Variants in XYLB observed in about 807,000 individuals in gnomAD.
The protein encoded by XYLB is xylulokinase.
XYLB carries 62 observed loss-of-function variants against 78.7 expected under a neutral mutation model. The ratio of observed to expected loss-of-function variants is 0.79; its 90% CI spans 0.64 to 0.97. The LOEUF (loss-of-function observed/expected upper bound fraction) is 0.97. Ranked by LOEUF, XYLB falls within the 50% of genes least tolerant of loss-of-function variation. The pLI is 0.00. For missense variants in XYLB, 687 were observed against 676.8 expected, an observed-to-expected ratio of 1.02 and a Z score of -0.17; for synonymous variants, 245 against 247.4, an observed-to-expected ratio of 0.99 and a Z score of 0.09.
At chr3:38,437,541 T>TA in the XYLB span, among the ~76,000 whole-genome samples, 1 of 152,206 alleles carries the variant, frequency 6.6e-6, no homozygotes, top group African/African-American at 2.4e-5. Context: ...AAAAAACTCT[T>TA]AGATTTGATG....
At chr3:38,380,071 C>T (rs1488478555) in intron 15 of XYLB, among the ~76,000 whole-genome samples, 8 of 152,106 alleles carry the variant, frequency 5.3e-5, no homozygotes, top group South Asian at 2.1e-4. Flanking sequence ...CCACCAGTCC[C>T]GTTCCCACGA....
At chr3:38,347,057 G>T (rs1705103633) in intron 1 of XYLB, 132 bp downstream of exon 1, 4 of 878,090 alleles carry the variant, frequency 4.6e-6, no homozygotes, top group Non-Finnish European at 6.1e-6. Flanking sequence ...GCTTCCCGGG[G>T]CCCCCGCGCC....
chr3:38,360,008 C>T (rs1705881287), intron 2 of XYLB, among the ~76,000 whole-genome samples: 1 of 152,136 alleles, frequency 6.6e-6, no homozygotes. Flanking sequence ...TGTGGCTGCC[C>T]CTCCTCTACC....
Position 38,373,146 on chromosome 3 carries a change from G to T in XYLB, c.847+410G>T, listed in dbSNP as rs538452712. On this transcript the variant is annotated intron_variant, in intron 10 of 18. Coordinates refer to ENST00000207870, the MANE Select transcript of XYLB (RefSeq NM_005108.4). Reference sequence around the variant, plus strand: ...GTTTTAAGTCTCTGCCCTGTCATCTGATCTGCAGCAATGACTTGTTTCTCG... The same window carrying T: ...GTTTTAAGTCTCTGCCCTGTCATCTTATCTGCAGCAATGACTTGTTTCTCG... Among the ~76,000 whole-genome samples, 13 of 152,266 alleles carry T rather than the reference G, an allele frequency of 8.5e-5. No homozygotes were observed. The South Asian group carries it at 2.3e-3, about 27-fold the overall frequency.
chr3:38,417,111 A>G (rs1575554386), downstream of XYLB, among the ~76,000 whole-genome samples: 1 of 152,240 alleles, frequency 6.6e-6, no homozygotes, highest in East Asian at 1.9e-4. Flanking sequence ...TCTAATGAAT[A>G]TATGTTGAAC....
At chr3:38,379,002 G>T (rs758586228) in intron 14 of XYLB, among the ~76,000 whole-genome samples, 7 of 151,902 alleles carry the variant, frequency 4.6e-5, no homozygotes, top group Non-Finnish European at 8.8e-5. Flanking sequence ...AGCTGCCTGA[G>T]ACTAAGTTCT....
the XYLB span, among the ~76,000 whole-genome samples, chr3:38,431,313 T>C: frequency 6.6e-6 from 1 of 152,250 alleles, no homozygotes. Context: ...TTTGTAGCAA[T>C]TGTGAATGGG....
At chr3:38,384,290 T>A (rs188144479) in intron 15 of XYLB, among the ~76,000 whole-genome samples, 2 of 152,312 alleles carry the variant, frequency 1.3e-5, no homozygotes, top group East Asian at 3.9e-4. Flanking sequence ...GGTCTCGAAC[T>A]TCTGACCTCA....
chr3:38,440,040 A>G, the XYLB span, among the ~76,000 whole-genome samples: 1 of 152,148 alleles, frequency 6.6e-6, no homozygotes, highest in African/African-American at 2.4e-5. Context: ...AGTGTGTGGT[A>G]GTAGGATAGT....
chr3:38,404,685 G>A (rs1036907129), intron 18 of XYLB, among the ~76,000 whole-genome samples: 1 of 152,154 alleles, frequency 6.6e-6, no homozygotes, highest in Admixed American at 6.5e-5. Context: ...AATTAGCTGG[G>A]TGTGGTGGTG....
At chr3:38,431,449 G>A in the XYLB span, among the ~76,000 whole-genome samples, 1 of 152,152 alleles carries the variant, frequency 6.6e-6, no homozygotes, top group South Asian at 2.1e-4. Flanking sequence ...GGAGATTTGG[G>A]GCTGAGACGA....
downstream of XYLB, among the ~76,000 whole-genome samples, chr3:38,426,143 A>G (rs1339582257): frequency 6.6e-6 from 1 of 152,210 alleles, no homozygotes; most frequent in Non-Finnish European, 1.5e-5. Context: ...GTTGCTTTGC[A>G]TTTCACAGTA....
At chr3:38,371,590 T>C (rs977793547) in intron 9 of XYLB, among the ~76,000 whole-genome samples, 1 of 152,124 alleles carries the variant, frequency 6.6e-6, no homozygotes, top group Non-Finnish European at 1.5e-5. Context: ...TTTTTTATTT[T>C]GGTAGTGACA....
chr3:38,371,718 TG>T (rs1300992300), intron 9 of XYLB, among the ~76,000 whole-genome samples: 1 of 152,204 alleles, frequency 6.6e-6, no homozygotes, highest in Non-Finnish European at 1.5e-5. Flanking sequence ...ACTGACATGC[TG>T]AAAACAGCCT....
the XYLB span, among the ~76,000 whole-genome samples, chr3:38,445,968 T>C: frequency 6.6e-6 from 1 of 152,166 alleles, no homozygotes; most frequent in Admixed American, 6.5e-5. Flanking sequence ...GGATTCTTGG[T>C]CTTGCTGACC....
At chr3:38,366,491 A>T (rs760049266) in intron 6 of XYLB, among the ~76,000 whole-genome samples, 2 of 152,144 alleles carry the variant, frequency 1.3e-5, no homozygotes, top group Non-Finnish European at 2.9e-5. Flanking sequence ...CATTTTAAGG[A>T]TTCAAAGGCC....
intron 16 of XYLB, among the ~76,000 whole-genome samples, chr3:38,396,425 C>T (rs145175425): frequency 1.2e-4 from 18 of 152,282 alleles, no homozygotes; most frequent in East Asian, 3.9e-4. Context: ...CTCCTGTGAG[C>T]GGTGGCCTAT....
intron 12 of XYLB, among the ~76,000 whole-genome samples, chr3:38,375,825 G>A (rs1706823386): frequency 6.6e-6 from 1 of 152,156 alleles, no homozygotes; most frequent in Non-Finnish European, 1.5e-5. Flanking sequence ...TTGTGCCCAT[G>A]GTAGAATGTG....
At chr3:38,386,469 AATCC>A (rs1707386623) in intron 15 of XYLB, among the ~76,000 whole-genome samples, 2 of 152,090 alleles carry the variant, frequency 1.3e-5, no homozygotes, top group South Asian at 4.2e-4. Context: ...TTATTTTTTT[AATCC>A]ATCCATTTAC....
Sources: gnomAD v4.1 joint callset for allele counts (sites outside exome capture counted in the v4.1 genomes callset) on GRCh38, gnomAD v4.1.1 for gene constraint, MANE v1.5 for transcripts, NCBI Gene and HGNC (gene_info 2026-07-23, HGNC 2026-07-21) for gene names.